Variants in BORCS5 observed in about 807,000 individuals in gnomAD.
The protein encoded by BORCS5 is BLOC-1-related complex subunit 5.
BORCS5 carries 17 observed loss-of-function variants against 22.1 expected under a neutral mutation model. The observed-to-expected ratio is 0.77, with a 90% CI of 0.53 to 1.15. The LOEUF (loss-of-function observed/expected upper bound fraction) is 1.15. Among genes scored for constraint, BORCS5 ranks in the 50% most tolerant of loss-of-function variants. The probability of loss-of-function intolerance (pLI) is 0.00; values close to 1 mark genes in which losing one functional copy is unlikely to be tolerated. For synonymous variants in BORCS5, 117 were observed against 99.8 expected, an observed-to-expected ratio of 1.17 and a Z score of -1.03; for missense variants, 247 against 253.2, an observed-to-expected ratio of 0.98 and a Z score of 0.17.
intron 3 of BORCS5, among the ~76,000 whole-genome samples, chr12:12,438,904 A>G (rs1049702267): frequency 1.3e-5 from 2 of 152,210 alleles, no homozygotes; most frequent in Non-Finnish European, 2.9e-5. Context: ...AGTCACAGAA[A>G]TAATTTGAGA....
intron 2 of BORCS5, among the ~76,000 whole-genome samples, chr12:12,425,618 A>G (rs4763824): frequency 0.19 from 29,260 of 152,168 alleles, 3,663 homozygotes; most frequent in African/African-American, 0.36. Context: ...TCATATGCTT[A>G]TTGGCTGTTT....
At chr12:12,369,258 C>T (rs1592057322) in intron 2 of BORCS5, among the ~76,000 whole-genome samples, 1 of 152,284 alleles carries the variant, frequency 6.6e-6, no homozygotes, top group East Asian at 1.9e-4. Context: ...CTTACACTTA[C>T]TATTTGCATA....
At chr12:12,442,834 C>T (rs1039229310) in intron 3 of BORCS5, among the ~76,000 whole-genome samples, 4 of 152,104 alleles carry the variant, frequency 2.6e-5, no homozygotes, top group Non-Finnish European at 4.4e-5. Flanking sequence ...AAGGAATGCA[C>T]GAGAGTTGCC....
chr12:12,379,767 A>G (rs1248824497), intron 2 of BORCS5, among the ~76,000 whole-genome samples: 12 of 151,334 alleles, frequency 7.9e-5, no homozygotes, highest in African/African-American at 2.9e-4. Flanking sequence ...TTATGTCAGC[A>G]CTAGGGCTGT....
rs1250722465 is a variant in BORCS5 at position 12,357,124 on chromosome 12, T to C, written c.-328T>C. On this transcript the variant is annotated 5_prime_UTR_variant, in exon 1 of 4. Transcript: ENST00000314565. Reference sequence around the variant, plus strand: ...AGCTTGCGGAGCGTGAACCAGTGAGTGAAAGCGGCGCCGCCCGCCGGCCGC... The same window carrying C: ...AGCTTGCGGAGCGTGAACCAGTGAGCGAAAGCGGCGCCGCCCGCCGGCCGC... 3 of 1,534,004 alleles carry C rather than the reference T, an allele frequency of 2.0e-6. No individual in the cohort carries two copies. In the East Asian group the frequency reaches 7.3e-5, roughly 38 times the overall value.
chr12:12,428,565 A>C (rs1043612010), intron 2 of BORCS5, among the ~76,000 whole-genome samples: 37 of 96,344 alleles, frequency 3.8e-4, no homozygotes, highest in Non-Finnish European at 6.8e-4. Flanking sequence ...TCCCCGTATT[A>C]AACTAAAGAA....
At chr12:12,409,396 G>T (rs561307578) in intron 2 of BORCS5, among the ~76,000 whole-genome samples, 3 of 136,568 alleles carry the variant, frequency 2.2e-5, no homozygotes, top group Admixed American at 2.1e-4. Flanking sequence ...AACAGTCCCC[G>T]GTGTGTGATG....
intron 2 of BORCS5, among the ~76,000 whole-genome samples, chr12:12,421,084 G>A (rs1375269030): frequency 5.3e-5 from 8 of 152,104 alleles, no homozygotes; most frequent in South Asian, 2.1e-4. Flanking sequence ...TTCCAACACT[G>A]TGTTGAATAG....
chr12:12,401,854 C>A (rs1415106787), intron 2 of BORCS5, among the ~76,000 whole-genome samples: 1 of 151,500 alleles, frequency 6.6e-6, no homozygotes, highest in African/African-American at 2.4e-5. Context: ...GTCAGAAGAT[C>A]GAGACCATCC....
intron 2 of BORCS5, among the ~76,000 whole-genome samples, chr12:12,374,617 A>C (rs1304707740): frequency 1.3e-5 from 2 of 150,664 alleles, no homozygotes; most frequent in African/African-American, 5.0e-5. Context: ...TGGCAGAATG[A>C]GACCCTGTCT....
rs146909566 is a variant in BORCS5 at position 12,377,387 on chromosome 12, C to G, written c.202+16038C>G. On this transcript the variant is annotated intron_variant, in intron 2 of 3. Transcript: ENST00000314565. Reference sequence around the variant, plus strand: ...TAGAGATGGTTTTCACCATGTTGGCCAGGCTGGTCTCAAACTCCTGACCTC... The same window carrying G: ...TAGAGATGGTTTTCACCATGTTGGCGAGGCTGGTCTCAAACTCCTGACCTC... 2.6e-5 allele frequency among the ~76,000 whole-genome samples: 4 copies of G among 152,122 alleles called. No homozygotes were observed. In the East Asian group the frequency reaches 5.8e-4, roughly 22 times the overall value.
chr12:12,416,017 T>TA (rs1941939801), intron 2 of BORCS5, among the ~76,000 whole-genome samples: 1 of 152,220 alleles, frequency 6.6e-6, no homozygotes, highest in East Asian at 1.9e-4. Context: ...ATTATAGGTC[T>TA]ATTCAGAGTT....
chr12:12,362,097 C>T (rs996885735), intron 2 of BORCS5, among the ~76,000 whole-genome samples: 1 of 152,204 alleles, frequency 6.6e-6, no homozygotes, highest in Non-Finnish European at 1.5e-5. Flanking sequence ...TGGTATAATA[C>T]AGTGTAAAAC....
At chr12:12,428,706 G>A (rs1462539910) in intron 2 of BORCS5, among the ~76,000 whole-genome samples, 1 of 152,136 alleles carries the variant, frequency 6.6e-6, no homozygotes, top group African/African-American at 2.4e-5. Flanking sequence ...TGGAGTATTA[G>A]GAGTGAAGTG....
intron 3 of BORCS5, among the ~76,000 whole-genome samples, chr12:12,448,973 AG>A (rs374720124): frequency 4.9e-4 from 75 of 152,358 alleles, no homozygotes; most frequent in African/African-American, 1.6e-3. Flanking sequence ...CAGTCTTTAT[AG>A]GATGCAACCA....
chr12:12,422,858 C>T (rs1278552646), intron 2 of BORCS5, among the ~76,000 whole-genome samples: 1 of 151,692 alleles, frequency 6.6e-6, no homozygotes, highest in East Asian at 1.9e-4. Flanking sequence ...ATAACATTAG[C>T]TTTTAGACTA....
At chr12:12,379,122 T>TC (rs1358791181) in intron 2 of BORCS5, among the ~76,000 whole-genome samples, 1 of 150,558 alleles carries the variant, frequency 6.6e-6, no homozygotes, top group East Asian at 1.9e-4. Flanking sequence ...TTTCTCTTTT[T>TC]TTTTTTTCTT....
intron 2 of BORCS5, among the ~76,000 whole-genome samples, chr12:12,389,340 G>A (rs1302801108): frequency 1.3e-5 from 2 of 150,730 alleles, no homozygotes; most frequent in Non-Finnish European, 3.0e-5. Context: ...GTTTCTCCAT[G>A]TTGGCTAGGC....
chr12:12,404,714 C>CT (rs1168457784), intron 2 of BORCS5, among the ~76,000 whole-genome samples: 2 of 152,036 alleles, frequency 1.3e-5, no homozygotes, highest in African/African-American at 4.8e-5. Flanking sequence ...TTTTTGTTTT[C>CT]TTTTTTGTGA....
Sources: allele counts gnomAD v4.1 joint callset (sites outside exome capture counted in the v4.1 genomes callset), GRCh38; gene constraint gnomAD v4.1.1; transcripts MANE v1.5; gene names NCBI Gene and HGNC (gene_info 2026-07-23, HGNC 2026-07-21).